FBXL17: variants seen among roughly 807,000 people sequenced by gnomAD.
The protein encoded by FBXL17 is F-box/LRR-repeat protein 17.
In FBXL17, 22 loss-of-function variants were observed where a neutral mutation model predicts 66.2. That is an observed-to-expected ratio of 0.33 (90% CI 0.24 to 0.47). The LOEUF (loss-of-function observed/expected upper bound fraction) is 0.47. Among genes scored for constraint, FBXL17 ranks in the 20% least tolerant of loss-of-function variants. The pLI is 1.00. For missense variants in FBXL17, 878 were observed against 948.2 expected (o/e 0.93, Z 0.97); for synonymous variants, 474 against 400.5 (o/e 1.18, Z -2.19).
At position 108,189,216 on chromosome 5, in the gene FBXL17, C is replaced by T. The variant is rs570256342; in HGVS notation, c.1615-2969G>A. On this transcript the variant is annotated intron_variant, in intron 5 of 8. Transcript: ENST00000542267. The stretch of plus-strand genomic sequence containing the variant: ...GGGTTTCGCAAGGCAATCAAGATCT[C>T]AACTGGGGCTGTATTTCTTTCTAGA... Among the ~76,000 whole-genome samples the T allele has an allele frequency of 2.7e-5, 4 of 149,862 alleles. No homozygotes were observed. In the East Asian group the frequency reaches 8.1e-4, roughly 30 times the overall value.
intron 4 of FBXL17, among the ~76,000 whole-genome samples, chr5:108,301,126 T>C (rs1387299633): frequency 5.9e-5 from 9 of 151,790 alleles, no homozygotes; most frequent in Admixed American, 1.3e-4. Flanking sequence ...CCTCTGAGCA[T>C]ATGAAAATGT....
At chr5:107,909,079 G>A (rs1749861249) in intron 7 of FBXL17, among the ~76,000 whole-genome samples, 2 of 152,114 alleles carry the variant, frequency 1.3e-5, no homozygotes, top group African/African-American at 4.8e-5. Context: ...GATGTTTAGA[G>A]CAACCTATAT....
chr5:108,040,483 C>G lies in FBXL17; in HGVS notation c.1746-19482G>C, dbSNP rs147575204. 8.2e-3 allele frequency among the ~76,000 whole-genome samples: 1,249 copies of G among 152,050 alleles called. 10 individuals are homozygous for G. Among genetic ancestry groups the G allele is most frequent in the African/African-American group, 0.026 (1,090 of 41,492 alleles). ...TTTAATAACTATGTTCTGTAACCCA[C>G]AAATTCTATTTCTGCACACACAAAT... On this transcript the variant is annotated intron_variant, in intron 6 of 8. Coordinates refer to ENST00000542267, the MANE Select transcript of FBXL17 (RefSeq NM_001163315.3).
rs983332540 is a variant in FBXL17, at chr5:108,382,035, G to A, written c.-344C>T. On this transcript the variant is annotated 5_prime_UTR_variant, in exon 1 of 9. Transcript: ENST00000542267. ...TCAGTCAGCGGAGCGGCCGGGGAAA[G>A]GCCGGGTCCCGCTCGGACCATTTTA... 49 of 1,010,670 alleles carry A rather than the reference G, an allele frequency of 4.8e-5. No homozygotes were observed. Among genetic ancestry groups the A allele is most frequent in the African/African-American group, 1.3e-4 (8 of 59,316 alleles). The allele number at this position is 1,010,670 out of a possible 1,614,324, so 62.6% of individuals were successfully genotyped here.
intron 6 of FBXL17, 29 bp from the exon 7 acceptor site, chr5:108,021,030 AT>A (rs916152125): frequency 1.3e-6 from 2 of 1,538,670 alleles, no homozygotes; most frequent in African/African-American, 2.7e-5. Context: ...GGTTATACTA[AT>A]GCGTTTCAAG....
At chr5:107,994,592 C>A (rs1012302362) in intron 7 of FBXL17, among the ~76,000 whole-genome samples, 3 of 152,198 alleles carry the variant, frequency 2.0e-5, no homozygotes, top group Non-Finnish European at 4.4e-5. Context: ...GTAATCCCAG[C>A]ACTTTGGGAG....
chr5:108,162,150 T>C (rs1752240390), intron 6 of FBXL17, among the ~76,000 whole-genome samples: 1 of 152,184 alleles, frequency 6.6e-6, no homozygotes, highest in Admixed American at 6.5e-5. Flanking sequence ...AGGTAGGAAA[T>C]CCAAATGTTC....
intron 6 of FBXL17, among the ~76,000 whole-genome samples, chr5:108,089,711 T>A (rs1420358317): frequency 6.6e-6 from 1 of 152,244 alleles, no homozygotes; most frequent in African/African-American, 2.4e-5. Flanking sequence ...TTTTGTTTTG[T>A]TCACCATTAT....
intron 6 of FBXL17, among the ~76,000 whole-genome samples, chr5:108,121,846 C>A (rs1420390283): frequency 6.6e-6 from 1 of 152,110 alleles, no homozygotes; most frequent in Admixed American, 6.5e-5. Flanking sequence ...CGTGAGCCAC[C>A]GCGCTCGGCC....
intron 6 of FBXL17, among the ~76,000 whole-genome samples, chr5:108,037,055 AAAT>A (rs1258718724): frequency 6.6e-6 from 1 of 152,154 alleles, no homozygotes; most frequent in Non-Finnish European, 1.5e-5. Flanking sequence ...TTTAAAATAT[AAAT>A]AATAAGGTAA....
chr5:108,035,698 G>A (rs1380800562), intron 6 of FBXL17, among the ~76,000 whole-genome samples: 1 of 152,108 alleles, frequency 6.6e-6, no homozygotes, highest in African/African-American at 2.4e-5. Flanking sequence ...TGGCCAGCCA[G>A]CTTTGTATTC....
chr5:107,978,477 T>A (rs1418754732), intron 7 of FBXL17, among the ~76,000 whole-genome samples: 2 of 152,190 alleles, frequency 1.3e-5, no homozygotes, highest in Non-Finnish European at 2.9e-5. Flanking sequence ...ATGAGATTTG[T>A]AACTTCCCCA....
At chr5:107,937,206 C>A (rs547915303) in intron 7 of FBXL17, among the ~76,000 whole-genome samples, 11 of 152,064 alleles carry the variant, frequency 7.2e-5, no homozygotes, top group Non-Finnish European at 1.5e-4. Context: ...TATTATACAA[C>A]GTATGTGAAA....
At chr5:107,914,587 A>C (rs1750064266) in intron 7 of FBXL17, among the ~76,000 whole-genome samples, 1 of 152,238 alleles carries the variant, frequency 6.6e-6, no homozygotes, top group Non-Finnish European at 1.5e-5. Flanking sequence ...ACACTTGTGT[A>C]TTCCATCCAC....
At chr5:108,004,114 A>G (rs924883766) in intron 7 of FBXL17, among the ~76,000 whole-genome samples, 1 of 152,224 alleles carries the variant, frequency 6.6e-6, no homozygotes, top group Admixed American at 6.5e-5. Flanking sequence ...AATGATTGGC[A>G]GCTCTTTCAA....
chr5:108,180,974 C>T (rs1188745853), intron 6 of FBXL17, among the ~76,000 whole-genome samples: 1 of 151,866 alleles, frequency 6.6e-6, no homozygotes, highest in Non-Finnish European at 1.5e-5. Context: ...GGAGAGATTA[C>T]CTTTGATAGT....
chr5:108,149,586 G>A (rs1250114371), intron 6 of FBXL17, among the ~76,000 whole-genome samples: 1 of 152,200 alleles, frequency 6.6e-6, no homozygotes, highest in African/African-American at 2.4e-5. Flanking sequence ...TCTTTGGACA[G>A]TCTGTACAGT....
At chr5:108,207,052 A>G (rs1754151015) in intron 5 of FBXL17, among the ~76,000 whole-genome samples, 1 of 152,204 alleles carries the variant, frequency 6.6e-6, no homozygotes, top group Admixed American at 6.5e-5. Flanking sequence ...TTAATTCATC[A>G]GTTAGGCATG....
intron 4 of FBXL17, among the ~76,000 whole-genome samples, chr5:108,251,856 T>G (rs1044745807): frequency 6.6e-6 from 1 of 152,116 alleles, no homozygotes; most frequent in Non-Finnish European, 1.5e-5. Flanking sequence ...TCATTCAATA[T>G]TATGTGGCTG....
Sources: allele counts gnomAD v4.1 joint callset (sites outside exome capture counted in the v4.1 genomes callset), GRCh38; gene constraint gnomAD v4.1.1; transcripts MANE v1.5; gene names NCBI Gene and HGNC (gene_info 2026-07-23, HGNC 2026-07-21).